The following PITPNM3 variants were observed in gnomAD, a reference collection of about 807,000 sequenced individuals.
PITPNM3 encodes the protein membrane-associated phosphatidylinositol transfer protein 3.
PITPNM3 carries 26 observed loss-of-function variants against 102.0 expected under a neutral mutation model. That is an observed-to-expected ratio of 0.25 (90% CI 0.19 to 0.35). The LOEUF (loss-of-function observed/expected upper bound fraction) is 0.35, where lower values mean the gene tolerates loss of function less well. Ranked by LOEUF, PITPNM3 falls within the 10% of genes least tolerant of loss-of-function variation. The probability of loss-of-function intolerance (pLI) is 1.00; values close to 1 mark genes in which losing one functional copy is unlikely to be tolerated. For missense variants in PITPNM3, 1,083 were observed against 1,346.1 expected (o/e 0.80, Z 3.06); for synonymous variants, 578 against 558.6 (o/e 1.03, Z -0.49).
chr17:6,535,852 G>A (rs1025427973), intron 2 of PITPNM3, among the ~76,000 whole-genome samples: 30 of 152,030 alleles, frequency 2.0e-4, no homozygotes, highest in African/African-American at 6.5e-4. Context: ...GAGGTCAGGA[G>A]TTTGAGACCA....
intron 4 of PITPNM3, among the ~76,000 whole-genome samples, chr17:6,487,273 T>C (rs1297273106): frequency 6.6e-6 from 1 of 152,182 alleles, no homozygotes; most frequent in Non-Finnish European, 1.5e-5. Flanking sequence ...AATATGGGGA[T>C]AATAAAAGCA....
intron 1 of PITPNM3, among the ~76,000 whole-genome samples, chr17:6,545,037 C>T (rs1909948966): frequency 6.6e-6 from 1 of 152,186 alleles, no homozygotes; most frequent in African/African-American, 2.4e-5. Context: ...CTCCGTGCCT[C>T]CTCCTCCCTC....
intron 3 of PITPNM3, among the ~76,000 whole-genome samples, chr17:6,523,612 G>A (rs1310186763): frequency 6.6e-6 from 1 of 152,206 alleles, no homozygotes; most frequent in East Asian, 1.9e-4. Flanking sequence ...CCAAATGGAT[G>A]GTACAAATCC....
intron 3 of PITPNM3, among the ~76,000 whole-genome samples, chr17:6,518,494 G>T (rs747180434): frequency 1.3e-5 from 2 of 149,386 alleles, no homozygotes; most frequent in Non-Finnish European, 3.0e-5. Flanking sequence ...TCCCTTGGAA[G>T]GGAACAGTGC....
At chr17:6,487,647 C>A (rs1355309495) in intron 4 of PITPNM3, among the ~76,000 whole-genome samples, 4 of 152,228 alleles carry the variant, frequency 2.6e-5, no homozygotes, top group African/African-American at 9.6e-5. Flanking sequence ...GTCCTGTTGT[C>A]TCCTGGGCAC....
chr17:6,454,930 T>C lies in PITPNM3; in HGVS notation c.*408A>G. 1 of 222,846 alleles carries C rather than the reference T, an allele frequency of 4.5e-6. No individual in the cohort carries two copies. The highest frequency in any genetic ancestry group is 8.8e-6 in the Non-Finnish European group (1 of 113,340). 13.8% of individuals were successfully genotyped at this position (222,846 alleles called of 1,614,324 possible). A position where few individuals can be genotyped will look rare whatever the true frequency, so the allele number is the denominator to read the frequency against. On this transcript the variant is annotated 3_prime_UTR_variant, in exon 20 of 20. Coordinates refer to ENST00000262483, the MANE Select transcript of PITPNM3 (RefSeq NM_031220.4). ...CACAAGACAGCCCAGAGGCTGTGCCTGCCAGCGGCGCTTGGTGCCGAGGCT... is the reference window on the plus strand; with the variant it reads ...CACAAGACAGCCCAGAGGCTGTGCCCGCCAGCGGCGCTTGGTGCCGAGGCT...
At position 6,463,716 on chromosome 17, in the gene PITPNM3, G is replaced by A. The variant is rs545239369; in HGVS notation, c.2306+16C>T. Reference sequence around the variant, plus strand: ...CCCCCCAGGGAGATATAGCCCTCGTGGAAGGTGGCACTCACCGGACAACAT... The same window carrying A: ...CCCCCCAGGGAGATATAGCCCTCGTAGAAGGTGGCACTCACCGGACAACAT... On this transcript the variant is annotated intron_variant, in intron 17 of 19. Coordinates refer to ENST00000262483, the MANE Select transcript of PITPNM3 (RefSeq NM_031220.4). 1 of 1,610,244 alleles carries A rather than the reference G, an allele frequency of 6.2e-7. No homozygotes were observed. The highest frequency in any genetic ancestry group is 1.3e-5 in the African/African-American group (1 of 74,936).
At chr17:6,522,755 G>A (rs906929561) in intron 3 of PITPNM3, among the ~76,000 whole-genome samples, 4 of 152,124 alleles carry the variant, frequency 2.6e-5, no homozygotes, top group Admixed American at 1.3e-4. Context: ...TCCAGGAAGA[G>A]TTCACGGATC....
intron 4 of PITPNM3, 32 bp from the exon 5 acceptor site, chr17:6,484,324 C>T (rs1905939658): frequency 6.4e-7 from 1 of 1,553,004 alleles, no homozygotes; most frequent in African/African-American, 1.4e-5. Flanking sequence ...CTCAGCATCT[C>T]CAGGCTTCCC....
At chr17:6,471,380 G>A (rs1477508011) in intron 11 of PITPNM3, 25 bp from the exon 12 acceptor site, 1 of 1,542,842 alleles carries the variant, frequency 6.5e-7, no homozygotes, top group African/African-American at 1.4e-5. Flanking sequence ...TCAAGGTCAG[G>A]CTGAGTCACG....
chr17:6,509,291 AG>A (rs1355157391), intron 3 of PITPNM3, among the ~76,000 whole-genome samples: 5 of 152,342 alleles, frequency 3.3e-5, no homozygotes, highest in African/African-American at 1.2e-4. Flanking sequence ...CAAGTGCAAG[AG>A]AAGCAAAGTG....
Position 6,483,403 on chromosome 17 carries a change from C to T in PITPNM3, c.587+114G>A, listed in dbSNP as rs1905863428. The stretch of plus-strand genomic sequence containing the variant: ...TGTGTTTCGTCACGATCTGACACCC[C>T]AGAGAGTCCTTGCAGGTACCCACCT... On this transcript the variant is annotated intron_variant, in intron 6 of 19. Coordinates refer to ENST00000262483, the MANE Select transcript of PITPNM3 (RefSeq NM_031220.4). 3 of 1,006,364 alleles carry T rather than the reference C, an allele frequency of 3.0e-6. No individual in the cohort carries two copies. In the East Asian group the frequency reaches 7.8e-5, roughly 26 times the overall value. 62.3% of individuals were successfully genotyped at this position (1,006,364 alleles called of 1,614,324 possible).
intron 8 of PITPNM3, among the ~76,000 whole-genome samples, chr17:6,477,551 T>C (rs140052237): frequency 0.014 from 2,160 of 152,186 alleles, 22 homozygotes; most frequent in Non-Finnish European, 0.022. Flanking sequence ...TCTTCTTCTT[T>C]TTTTTCCTTT....
chr17:6,505,480 C>CT (rs1907448081), intron 3 of PITPNM3, among the ~76,000 whole-genome samples: 1 of 152,046 alleles, frequency 6.6e-6, no homozygotes, highest in Non-Finnish European at 1.5e-5. Flanking sequence ...ACCTGGACAC[C>CT]GTCATAGAGC....
chr17:6,545,297 T>C (rs984114168), intron 1 of PITPNM3, among the ~76,000 whole-genome samples: 5 of 152,154 alleles, frequency 3.3e-5, no homozygotes, highest in African/African-American at 1.2e-4. Context: ...AAATAATAAA[T>C]TGTGATTCTC....
Position 6,478,780 on chromosome 17 carries a change from G to A in PITPNM3, c.588-44C>T. On this transcript the variant is annotated intron_variant, in intron 6 of 19. Transcript: ENST00000262483. The surrounding 1 kb of genome is among the most constrained non-coding windows in gnomAD (Gnocchi z 4.4). The stretch of plus-strand genomic sequence containing the variant: ...AGGTGAGCCCAGCCAGGATCGGGCA[G>A]GTTGGCAGGTTTGGGGCTGAGGATC... The A allele has an allele frequency of 1.3e-6, 2 of 1,520,218 alleles. No individual in the cohort carries two copies. The highest frequency in any genetic ancestry group is 2.4e-5 in the East Asian group (1 of 40,822). 94.2% of individuals were successfully genotyped at this position (1,520,218 alleles called of 1,614,324 possible). A position where few individuals can be genotyped will look rare whatever the true frequency, so the allele number is the denominator to read the frequency against.
intron 4 of PITPNM3, among the ~76,000 whole-genome samples, chr17:6,490,600 G>A (rs549567087): frequency 7.9e-5 from 12 of 152,202 alleles, no homozygotes; most frequent in South Asian, 2.1e-4. Flanking sequence ...GGGGCTTGGC[G>A]TTGATTCCTA....
At chr17:6,500,697 A>G (rs1488647059) in intron 4 of PITPNM3, among the ~76,000 whole-genome samples, 1 of 148,434 alleles carries the variant, frequency 6.7e-6, no homozygotes, top group Non-Finnish European at 1.5e-5. Context: ...TTTTTTTGAG[A>G]TGGAGTCTCA....
intron 14 of PITPNM3, among the ~76,000 whole-genome samples, chr17:6,467,649 G>A (rs1173224483): frequency 6.6e-6 from 1 of 152,170 alleles, no homozygotes; most frequent in Non-Finnish European, 1.5e-5. Context: ...GGTTGTGTCT[G>A]TACAACCCTG....
Sources: allele counts gnomAD v4.1 joint callset (sites outside exome capture counted in the v4.1 genomes callset), GRCh38; gene constraint gnomAD v4.1.1; non-coding constraint Gnocchi (gnomAD v3.1); transcripts MANE v1.5; gene names NCBI Gene and HGNC (gene_info 2026-07-23, HGNC 2026-07-21).